The following ZDHHC13 variants were observed in gnomAD, a reference collection of about 807,000 sequenced individuals.
The protein encoded by ZDHHC13 is palmitoyltransferase ZDHHC13.
ZDHHC13 carries 85 observed loss-of-function variants against 86.0 expected under a neutral mutation model. That is an observed-to-expected ratio of 0.99 (90% CI 0.83 to 1.18). The LOEUF (loss-of-function observed/expected upper bound fraction) is 1.18, where lower values mean the gene tolerates loss of function less well. ZDHHC13 is among the 50% of genes most tolerant of loss of function. The pLI, the probability that ZDHHC13 is intolerant of heterozygous loss-of-function variation, is 0.00. For missense variants in ZDHHC13, 711 were observed against 730.2 expected (o/e 0.97, Z 0.30); for synonymous variants, 263 against 246.4 (o/e 1.07, Z -0.63).
intron 15 of ZDHHC13, among the ~76,000 whole-genome samples, 189 bp downstream of exon 15, chr11:19,170,757 C>A (rs1341662728): frequency 3.3e-5 from 5 of 152,088 alleles, no homozygotes; most frequent in Non-Finnish European, 4.4e-5. Flanking sequence ...GATAATAACG[C>A]CTGTCTACTA....
intron 1 of ZDHHC13, among the ~76,000 whole-genome samples, chr11:19,125,653 AG>A (rs1680374353): frequency 1.3e-5 from 2 of 152,212 alleles, no homozygotes; most frequent in Admixed American, 6.5e-5. Context: ...TATTTTTAGC[AG>A]CTCTGTTTAT....
intron 14 of ZDHHC13, chr11:19,169,137 CAAAA>C: frequency 1.0e-6 from 1 of 985,432 alleles, no homozygotes; most frequent in African/African-American, 1.7e-5. Flanking sequence ...GCTGTATTAT[CAAAA>C]GAATTCCCAG....
chr11:19,150,599 A>G, intron 5 of ZDHHC13, 128 bp from the exon 6 acceptor site: 1 of 719,186 alleles, frequency 1.4e-6, no homozygotes, highest in Non-Finnish European at 2.2e-6. Flanking sequence ...TTTTTATCAA[A>G]TGATATTTGA....
rs919086941 is a variant in ZDHHC13 at position 19,155,704 on chromosome 11, A to G, written c.874-92A>G. ...CTTTGTTGTTGTATTAATTGTTATT[A>G]TATACTTTGGAAGTAGTTCTTATAT... On this transcript the variant is annotated intron_variant, in intron 8 of 16. Coordinates refer to ENST00000446113, the MANE Select transcript of ZDHHC13 (RefSeq NM_019028.3). 3 of 1,341,628 alleles carry G rather than the reference A, an allele frequency of 2.2e-6. No homozygotes were observed. In the Admixed American group the frequency reaches 8.3e-5, roughly 37 times the overall value. The allele number at this position is 1,341,628 out of a possible 1,614,324, so 83.1% of individuals were successfully genotyped here.
chr11:19,166,285 T>G lies in ZDHHC13; in HGVS notation c.1391-17T>G, dbSNP rs747065078. The G allele has an allele frequency of 6.3e-6, 10 of 1,593,078 alleles. No individual in the cohort carries two copies. The highest frequency in any genetic ancestry group is 8.5e-6 in the Non-Finnish European group (10 of 1,171,124). On this transcript the variant is annotated splice_polypyrimidine_tract_variant and intron_variant, in intron 13 of 16. Coordinates refer to ENST00000446113, the MANE Select transcript of ZDHHC13 (RefSeq NM_019028.3). ...GAAACGAAAATATTAAGTATGTTTT[T>G]TTTCTTTTTTCTTGAGGTTTTGGCA...
intron 1 of ZDHHC13, among the ~76,000 whole-genome samples, chr11:19,140,557 C>T (rs1303304755): frequency 1.3e-5 from 2 of 152,134 alleles, no homozygotes; most frequent in Non-Finnish European, 1.5e-5. Context: ...CCAGCCATCC[C>T]ATTACTGGGT....
At chr11:19,129,983 G>A (rs1288454398) in intron 1 of ZDHHC13, among the ~76,000 whole-genome samples, 4 of 152,124 alleles carry the variant, frequency 2.6e-5, no homozygotes, top group Admixed American at 6.5e-5. Context: ...AGCTGCTCGG[G>A]AGGCTGAGGC....
chr11:19,123,627 A>G (rs1304140915), intron 1 of ZDHHC13, among the ~76,000 whole-genome samples: 1 of 152,272 alleles, frequency 6.6e-6, no homozygotes, highest in East Asian at 1.9e-4. Context: ...AGCCTGGGTG[A>G]CGGAGTAATA....
At chr11:19,145,418 T>G (rs1849434154) in intron 2 of ZDHHC13, among the ~76,000 whole-genome samples, 3 of 152,202 alleles carry the variant, frequency 2.0e-5, no homozygotes, top group African/African-American at 7.2e-5. Context: ...TTCTTAAAAC[T>G]CAAAGTCTGA....
intron 7 of ZDHHC13, 21 bp downstream of exon 7, chr11:19,152,341 C>A (rs374675232): frequency 3.8e-4 from 616 of 1,607,256 alleles, no homozygotes; most frequent in Non-Finnish European, 5.1e-4. Context: ...ATATTTATCT[C>A]CCTTAGTTTA....
At chr11:19,172,312 C>T (rs1274430315) in intron 15 of ZDHHC13, among the ~76,000 whole-genome samples, 1 of 152,074 alleles carries the variant, frequency 6.6e-6, no homozygotes, top group Non-Finnish European at 1.5e-5. Context: ...ACCTCGTGAT[C>T]CACCCGCCTC....
At chr11:19,155,327 G>T (rs1849725240) in intron 8 of ZDHHC13, among the ~76,000 whole-genome samples, 1 of 152,070 alleles carries the variant, frequency 6.6e-6, no homozygotes, top group Non-Finnish European at 1.5e-5. Flanking sequence ...TTAAAAGGTT[G>T]TTTCCCACTT....
chr11:19,143,079 T>C lies in ZDHHC13; in HGVS notation c.129T>C (p.Pro43=), dbSNP rs1031577150. ...KELANAREAL[P]LIEDSSNCDI... is the part of the protein sequence containing the mutation. ...TTGCCAATGCAAGAGAAGCTCTTCC[T>C]CTTATAGAGGACTCTAGTAACTGTG... Residue 43 remains proline, a synonymous_variant, in exon 2 of 17, where the codon CCT becomes CCC. Coordinates refer to ENST00000446113, the MANE Select transcript of ZDHHC13 (RefSeq NM_019028.3). 3 of 1,613,292 alleles carry C rather than the reference T, an allele frequency of 1.9e-6. No homozygotes were observed. The African/African-American group carries it at 4.0e-5, about 22-fold the overall frequency.
intron 1 of ZDHHC13, among the ~76,000 whole-genome samples, chr11:19,130,044 C>A (rs7945521): frequency 0.013 from 1,921 of 152,010 alleles, 46 homozygotes; most frequent in African/African-American, 0.044. Context: ...GCCGAGATCA[C>A]GCCACTGCAC....
At chr11:19,149,155 C>T in intron 4 of ZDHHC13, 32 bp from the exon 5 acceptor site, 1 of 1,480,210 alleles carries the variant, frequency 6.8e-7, no homozygotes. Flanking sequence ...TTTCTGCATG[C>T]TACAGAATGG....
At chr11:19,128,530 T>G (rs1848923994) in intron 1 of ZDHHC13, among the ~76,000 whole-genome samples, 1 of 152,166 alleles carries the variant, frequency 6.6e-6, no homozygotes, top group Admixed American at 6.5e-5. Context: ...TTGTAAAAAC[T>G]TTCTTTAAAA....
At chr11:19,125,673 A>G (rs994093586) in intron 1 of ZDHHC13, among the ~76,000 whole-genome samples, 2 of 152,238 alleles carry the variant, frequency 1.3e-5, no homozygotes, top group African/African-American at 4.8e-5. Context: ...ATGATTGCCA[A>G]AAGCTGGAAA....
chr11:19,172,395 A>C (rs868498765), intron 15 of ZDHHC13, among the ~76,000 whole-genome samples: 3 of 152,194 alleles, frequency 2.0e-5, no homozygotes, highest in African/African-American at 7.2e-5. Context: ...TAAATAGACT[A>C]TCTCAAATCC....
intron 9 of ZDHHC13, 79 bp from the exon 10 acceptor site, chr11:19,158,861 C>T (rs1849829955): frequency 1.1e-6 from 1 of 915,506 alleles, no homozygotes; most frequent in Non-Finnish European, 1.6e-6. Flanking sequence ...ATTATTACTA[C>T]CATTATTATT....
Sources: gnomAD v4.1 joint callset for allele counts (sites outside exome capture counted in the v4.1 genomes callset) on GRCh38, gnomAD v4.1.1 for gene constraint, MANE v1.5 for transcripts, NCBI Gene and HGNC (gene_info 2026-07-23, HGNC 2026-07-21) for gene names.